Variants in ERCC6L2 observed in about 807,000 individuals in gnomAD.
ERCC6L2 encodes DNA excision repair protein ERCC-6-like 2.
In ERCC6L2, 77 loss-of-function variants were observed where a neutral mutation model predicts 132.0. That is an observed-to-expected ratio of 0.58 (90% CI 0.49 to 0.71). The LOEUF (loss-of-function observed/expected upper bound fraction) is 0.71, where lower values mean the gene tolerates loss of function less well. Among genes scored for constraint, ERCC6L2 ranks in the 30% least tolerant of loss-of-function variants. ERCC6L2 has a pLI of 0.00. For missense variants in ERCC6L2, 1,542 were observed against 1,837.6 expected (o/e 0.84, Z 2.94); for synonymous variants, 583 against 632.4 (o/e 0.92, Z 1.17).
At chr9:95,946,355 C>T (rs984992442) in intron 12 of ERCC6L2, among the ~76,000 whole-genome samples, 2 of 151,964 alleles carry the variant, frequency 1.3e-5, no homozygotes, top group African/African-American at 2.4e-5. Context: ...GGTGAAACCC[C>T]GTCTCTAGTA....
chr9:95,983,563 C>G (rs759541322), intron 17 of ERCC6L2, among the ~76,000 whole-genome samples: 1 of 152,176 alleles, frequency 6.6e-6, no homozygotes, highest in African/African-American at 2.4e-5. Flanking sequence ...AAGAATGTTA[C>G]GCACTTAACA....
In ERCC6L2 at chr9:95,928,118, G is replaced by T; in HGVS notation, c.1573G>T (p.Asp525Tyr). 1 of 1,612,874 alleles carries T rather than the reference G, an allele frequency of 6.2e-7. No individual in the cohort carries two copies. The highest frequency in any genetic ancestry group is 8.5e-7 in the Non-Finnish European group (1 of 1,179,266). Reference protein sequence around the residue: ...QLLNHCRKNRDKVLLFSFSTK... With the variant: ...QLLNHCRKNRYKVLLFSFSTK... ...TTTAAATCATTGCAGGAAAAACAGA[G>T]ATAAAGTTCTTCTCTTTTCTTTTTC... Residue 525 changes from aspartate (D) to tyrosine (Y), a missense_variant, in exon 10 of 19, where the codon GAT (aspartate) becomes TAT (tyrosine). By Grantham distance (160) the Asp-to-Tyr change is radical. This residue lies in a region of ERCC6L2 where 945 missense variants were observed against 1,105.2 expected (regional missense o/e 0.86). Coordinates refer to ENST00000653738, the MANE Select transcript of ERCC6L2 (RefSeq NM_020207.7).
At chr9:95,994,163 T>C (rs1200359109) in intron 17 of ERCC6L2, among the ~76,000 whole-genome samples, 1 of 152,238 alleles carries the variant, frequency 6.6e-6, no homozygotes, top group African/African-American at 2.4e-5. Flanking sequence ...AGAGTTGGCA[T>C]GATCAGGTGG....
Position 95,875,953 on chromosome 9 carries a change from A to G in ERCC6L2, c.-86A>G, listed in dbSNP as rs962888238. 7 of 1,469,852 alleles carry G rather than the reference A, an allele frequency of 4.8e-6. No individual in the cohort carries two copies. The highest frequency in any genetic ancestry group is 5.5e-6 in the Non-Finnish European group (6 of 1,082,408). 91.1% of individuals were successfully genotyped at this position (1,469,852 alleles called of 1,614,324 possible). On this transcript the variant is annotated 5_prime_UTR_variant, in exon 1 of 19. Coordinates refer to ENST00000653738, the MANE Select transcript of ERCC6L2 (RefSeq NM_020207.7). The stretch of plus-strand genomic sequence containing the variant: ...GCGGCCGGAAGTGGCGTTGGCCGCC[A>G]TTGGCCTGCCGGCCAGCCACCTTGC...
intron 6 of ERCC6L2, among the ~76,000 whole-genome samples, chr9:95,916,923 G>C (rs1462246702): frequency 1.3e-5 from 2 of 152,072 alleles, no homozygotes; most frequent in African/African-American, 4.8e-5. Context: ...GACCTCAGGT[G>C]ATCCACCTGC....
chr9:95,928,797 G>A lies in ERCC6L2; in HGVS notation c.1684G>A (p.Glu562Lys). 6.2e-7 allele frequency: 1 copy of A among 1,613,004 alleles called. No individual in the cohort carries two copies. Among genetic ancestry groups the A allele is most frequent in the Admixed American group, 1.7e-5 (1 of 59,886 alleles). ...ACTTGATGGAAGTACAAAATCAGAGGAAAGACTCAAGATTGTAAAAGAGTT... is the reference window on the plus strand; with the variant it reads ...ACTTGATGGAAGTACAAAATCAGAGAAAAGACTCAAGATTGTAAAAGAGTT... ...RRLDGSTKSE[E>K]RLKIVKEFNS... is the part of the protein sequence containing the mutation. The change falls in exon 11 of 19, where the codon GAA (glutamate) becomes AAA (lysine). Residue 562 changes from glutamate (E) to lysine (K), a missense_variant. By Grantham distance (56) the Glu-to-Lys change is moderately conservative. Transcript: ENST00000653738.
In ERCC6L2 at chr9:96,017,554, CT is replaced by C. The variant is rs1834208076; in HGVS notation, c.*4356del. On this transcript the variant is annotated 3_prime_UTR_variant, in exon 19 of 19. Transcript: ENST00000653738. ...GGGTCTAGGGCTCAGCACAGGCACC[CT>C]TTTTGTTTTTGCAGTTTCACAGGAA... 3.9e-5 allele frequency among the ~76,000 whole-genome samples: 6 copies of C among 152,200 alleles called. No homozygotes were observed. Among genetic ancestry groups the C allele is most frequent in the Admixed American group, 3.9e-4 (6 of 15,288 alleles).
intron 17 of ERCC6L2, among the ~76,000 whole-genome samples, chr9:95,998,190 C>T (rs370119939): frequency 1.3e-5 from 2 of 152,108 alleles, no homozygotes; most frequent in South Asian, 2.1e-4. Flanking sequence ...GCAAATACAG[C>T]TTCAGGAGAT....
chr9:95,915,493 G>A (rs1042516781), intron 4 of ERCC6L2, among the ~76,000 whole-genome samples, 175 bp from the exon 5 acceptor site: 1 of 151,540 alleles, frequency 6.6e-6, no homozygotes, highest in African/African-American at 2.4e-5. Context: ...TATTTTTGTC[G>A]ACTGTCCAAG....
chr9:96,036,018 A>G (rs2133271743), intron 19 of ERCC6L2, among the ~76,000 whole-genome samples: 1 of 152,370 alleles, frequency 6.6e-6, no homozygotes, highest in Non-Finnish European at 1.5e-5. Context: ...CATACAAAAT[A>G]CAAGTCCCAT....
At chr9:95,982,586 C>G (rs1011787504) in intron 17 of ERCC6L2, among the ~76,000 whole-genome samples, 1 of 152,038 alleles carries the variant, frequency 6.6e-6, no homozygotes, top group African/African-American at 2.4e-5. Context: ...GTAACTCTTA[C>G]TGGGTGGGAT....
intron 19 of ERCC6L2, among the ~76,000 whole-genome samples, chr9:96,035,287 C>A (rs987447054): frequency 2.6e-5 from 4 of 152,170 alleles, no homozygotes; most frequent in Admixed American, 2.6e-4. Flanking sequence ...AGGCTAGGGG[C>A]TGGGCCACTA....
chr9:96,025,531 G>C (rs1834349044), intron 19 of ERCC6L2, among the ~76,000 whole-genome samples: 2 of 152,132 alleles, frequency 1.3e-5, no homozygotes, highest in African/African-American at 4.8e-5. Flanking sequence ...AGATGACTAG[G>C]AGTAGCAGGA....
At chr9:95,975,448 C>A (rs1832624641) in intron 16 of ERCC6L2, among the ~76,000 whole-genome samples, 1 of 146,858 alleles carries the variant, frequency 6.8e-6, no homozygotes, top group African/African-American at 2.5e-5. Flanking sequence ...TTTCTTCTGG[C>A]ATAAAGTGTG....
intron 17 of ERCC6L2, among the ~76,000 whole-genome samples, chr9:95,994,205 A>C (rs1833397295): frequency 6.6e-6 from 1 of 152,196 alleles, no homozygotes; most frequent in African/African-American, 2.4e-5. Context: ...TGGTGTGCCC[A>C]CCTGTGATGA....
chr9:95,895,911 A>G (rs888047121), intron 2 of ERCC6L2, among the ~76,000 whole-genome samples: 2 of 152,020 alleles, frequency 1.3e-5, no homozygotes, highest in African/African-American at 4.8e-5. Context: ...TATTTTTAGT[A>G]GAGACGGGGT....
rs1378097816 is a variant in ERCC6L2, at chr9:95,907,215, T to G, written c.732T>G (p.Cys244Trp). The change falls in exon 4 of 19, where the codon TGT becomes TGG. Residue 244 changes from cysteine to tryptophan, a missense_variant. Transcript: ENST00000653738. ...NELIRVKQRK[C>W]EIALTTYETL... is the part of the protein sequence containing the mutation. Reference sequence around the variant, plus strand: ...TAATTCGTGTAAAGCAGAGGAAATGTGAAATTGCTCTAACAACTTATGAAA... The same window carrying G: ...TAATTCGTGTAAAGCAGAGGAAATGGGAAATTGCTCTAACAACTTATGAAA... The G allele has an allele frequency of 6.2e-7, 1 of 1,613,288 alleles. No individual in the cohort carries two copies. The highest frequency in any genetic ancestry group is 2.2e-5 in the East Asian group (1 of 44,814).
intron 3 of ERCC6L2, chr9:95,906,442 G>GT: frequency 1.2e-5 from 4 of 324,690 alleles, no homozygotes; most frequent in Non-Finnish European, 2.4e-5. Context: ...TGTATGAGGG[G>GT]TTTTTTTGGA....
chr9:96,021,384 C>A, downstream of ERCC6L2: 1 of 293,752 alleles, frequency 3.4e-6, no homozygotes, highest in South Asian at 3.0e-5. This position sits in a 1 kb window ranked among gnomAD's most constrained non-coding sequence, Gnocchi z 4.7. Context: ...AGCCCAGTCC[C>A]TCCCGGGCAG....
Sources: allele counts gnomAD v4.1 joint callset (sites outside exome capture counted in the v4.1 genomes callset), GRCh38; gene constraint gnomAD v4.1.1; regional missense constraint gnomAD v4.1.1; non-coding constraint Gnocchi (gnomAD v3.1); transcripts MANE v1.5; gene names NCBI Gene and HGNC (gene_info 2026-07-23, HGNC 2026-07-21).